GPC6: variants seen among roughly 807,000 people sequenced by gnomAD.
GPC6 encodes glypican 6, also known as glypican-6.
Under a neutral mutation model 55.2 loss-of-function variants are expected in GPC6, and 14 were observed. That is an observed-to-expected ratio of 0.25 (90% CI 0.17 to 0.40). The LOEUF (loss-of-function observed/expected upper bound fraction) is 0.40. GPC6 is among the 10% of genes least tolerant of loss of function. The pLI, the probability that GPC6 is intolerant of heterozygous loss-of-function variation, is 1.00. For synonymous variants in GPC6, 278 were observed against 259.6 expected (o/e 1.07, Z -0.68); for missense variants, 641 against 708.5 (o/e 0.90, Z 1.08).
At position 93,844,726 on chromosome 13, in the gene GPC6, A is replaced by G. The variant is rs868213731; in HGVS notation, c.711+14181A>G. Among the ~76,000 whole-genome samples the G allele has an allele frequency of 7.9e-3, 1,156 of 145,436 alleles. 20 individuals are homozygous for G. The highest frequency in any genetic ancestry group is 0.028 in the African/African-American group (1,100 of 38,886). On this transcript the variant is annotated intron_variant, in intron 3 of 8. Transcript: ENST00000377047. ...GGACATGAAGTCCTTGCCCACGCCT[A>G]TGTCCTGAATGGTAATGCCTAGGTT...
At chr13:94,392,451 G>A (rs1203827285) in intron 7 of GPC6, among the ~76,000 whole-genome samples, 1 of 106,006 alleles carries the variant, frequency 9.4e-6, no homozygotes, top group Non-Finnish European at 1.8e-5. Flanking sequence ...TTTTGGAGAT[G>A]GAGTTTAGCT....
At chr13:93,282,375 A>T (rs1325495775) in intron 1 of GPC6, among the ~76,000 whole-genome samples, 1 of 152,106 alleles carries the variant, frequency 6.6e-6, no homozygotes, top group Non-Finnish European at 1.5e-5. Flanking sequence ...TTTTCATACC[A>T]AACCCCCTCA....
chr13:93,561,347 A>G (rs1875780203), intron 2 of GPC6, among the ~76,000 whole-genome samples: 1 of 147,562 alleles, frequency 6.8e-6, no homozygotes, highest in African/African-American at 2.5e-5. Flanking sequence ...ATGAAAAAAT[A>G]ATTTTTAGTA....
At chr13:94,043,247 G>A (rs532663646) in intron 4 of GPC6, among the ~76,000 whole-genome samples, 13 of 151,892 alleles carry the variant, frequency 8.6e-5, no homozygotes, top group African/African-American at 1.4e-4. Flanking sequence ...AGACGTGCTC[G>A]ATGCTACTGG....
intron 2 of GPC6, among the ~76,000 whole-genome samples, chr13:93,676,633 ATGT>A: frequency 6.6e-6 from 1 of 152,206 alleles, no homozygotes; most frequent in Middle Eastern, 3.4e-3. Flanking sequence ...CTGACACTCA[ATGT>A]TGTCAGATCT....
the GPC6 span, among the ~76,000 whole-genome samples, chr13:93,216,926 A>C: frequency 6.6e-6 from 1 of 152,190 alleles, no homozygotes; most frequent in African/African-American, 2.4e-5. Flanking sequence ...ATGCATGACC[A>C]TTGTACAAAT....
intron 1 of GPC6, among the ~76,000 whole-genome samples, chr13:93,452,019 C>T (rs1374456015): frequency 2.0e-5 from 3 of 151,888 alleles, no homozygotes; most frequent in Non-Finnish European, 2.9e-5. Flanking sequence ...TTCTCTGGGT[C>T]GCTTCAAGTT....
chr13:93,422,542 T>C (rs1233255377), intron 1 of GPC6, among the ~76,000 whole-genome samples: 1 of 152,198 alleles, frequency 6.6e-6, no homozygotes, highest in Non-Finnish European at 1.5e-5. Flanking sequence ...CTACAATCTA[T>C]TGAGGTAATA....
chr13:93,967,650 A>G (rs1399013326), intron 3 of GPC6, among the ~76,000 whole-genome samples: 1 of 152,150 alleles, frequency 6.6e-6, no homozygotes, highest in East Asian at 1.9e-4. Context: ...TGTGCCTGTC[A>G]TTGTTTGGAC....
intron 2 of GPC6, among the ~76,000 whole-genome samples, chr13:93,564,661 C>G (rs1410646213): frequency 6.6e-6 from 1 of 151,896 alleles, no homozygotes; most frequent in East Asian, 1.9e-4. Flanking sequence ...AATTTTTTTT[C>G]CCTTCTTCTG....
chr13:94,153,166 T>C (rs1887806067), intron 4 of GPC6, among the ~76,000 whole-genome samples: 1 of 152,150 alleles, frequency 6.6e-6, no homozygotes, highest in Non-Finnish European at 1.5e-5. Flanking sequence ...TGTTGCCACC[T>C]GAGTAACTCA....
intron 2 of GPC6, among the ~76,000 whole-genome samples, chr13:93,615,035 C>A (rs1386565748): frequency 6.6e-6 from 1 of 152,080 alleles, no homozygotes; most frequent in African/African-American, 2.4e-5. Context: ...TTTCCAAGTG[C>A]AGACTCCAGC....
intron 4 of GPC6, among the ~76,000 whole-genome samples, chr13:94,226,317 C>T (rs1890556719): frequency 6.6e-6 from 1 of 152,082 alleles, no homozygotes; most frequent in African/African-American, 2.4e-5. Flanking sequence ...TCAGCGGGCC[C>T]AGAGTTACAG....
intron 1 of GPC6, among the ~76,000 whole-genome samples, chr13:93,392,564 G>A (rs769805653): frequency 2.0e-5 from 3 of 152,138 alleles, no homozygotes; most frequent in African/African-American, 7.2e-5. Context: ...AGTCCCAAAG[G>A]ACCCTTAGCT....
At chr13:93,835,084 A>C (rs1887682064) in intron 3 of GPC6, among the ~76,000 whole-genome samples, 1 of 152,172 alleles carries the variant, frequency 6.6e-6, no homozygotes, top group Non-Finnish European at 1.5e-5. Context: ...ATTAATTATA[A>C]AGGCAAATGT....
intron 2 of GPC6, among the ~76,000 whole-genome samples, chr13:93,827,852 A>G (rs1034057008): frequency 2.0e-5 from 3 of 152,134 alleles, no homozygotes; most frequent in African/African-American, 4.8e-5. Flanking sequence ...CAAAGTGGGC[A>G]TAGCTCAATA....
chr13:93,973,795 A>G (rs1184521888), intron 3 of GPC6, among the ~76,000 whole-genome samples: 1 of 152,144 alleles, frequency 6.6e-6, no homozygotes, highest in Non-Finnish European at 1.5e-5. Context: ...AAAACTACAG[A>G]TGCATGTTTT....
intron 1 of GPC6, among the ~76,000 whole-genome samples, chr13:93,507,629 CT>C (rs1187688907): frequency 1.3e-5 from 2 of 152,116 alleles, no homozygotes; most frequent in Non-Finnish European, 2.9e-5. Flanking sequence ...GATAATTTGT[CT>C]TTTTATGTTT....
chr13:94,183,405 G>A (rs944996973), intron 4 of GPC6, among the ~76,000 whole-genome samples: 2 of 152,158 alleles, frequency 1.3e-5, no homozygotes, highest in African/African-American at 4.8e-5. Flanking sequence ...TTTTAGAGCT[G>A]TATAATTTTT....
Sources: gnomAD v4.1 joint callset for allele counts (sites outside exome capture counted in the v4.1 genomes callset) on GRCh38, gnomAD v4.1.1 for gene constraint, MANE v1.5 for transcripts, NCBI Gene and HGNC (gene_info 2026-07-23, HGNC 2026-07-21) for gene names.